Variants in ESR1 observed in about 807,000 individuals in gnomAD.
The protein encoded by ESR1 is estrogen receptor.
In ESR1, 12 loss-of-function variants were observed where a neutral mutation model predicts 52.7. The ratio of observed to expected loss-of-function variants is 0.23; its 90% CI spans 0.15 to 0.37. The LOEUF is 0.37. Ranked by LOEUF, ESR1 falls within the 10% of genes least tolerant of loss-of-function variation. The pLI is 1.00. For missense variants in ESR1, 584 were observed against 779.7 expected (o/e 0.75, Z 2.99); for synonymous variants, 305 against 316.8 (o/e 0.96, Z 0.39).
At chr6:151,904,455 TTTA>T (rs200015296) in intron 3 of ESR1, among the ~76,000 whole-genome samples, 1 of 152,302 alleles carries the variant, frequency 6.6e-6, no homozygotes, top group East Asian at 1.9e-4. Context: ...TACTTTTATG[TTTA>T]TTATTTTGTT....
At chr6:151,672,958 A>G (rs938458869) in intron 1 of ESR1, among the ~76,000 whole-genome samples, 1 of 150,702 alleles carries the variant, frequency 6.6e-6, no homozygotes, top group Admixed American at 6.6e-5. Context: ...CCTCCCGAGT[A>G]GCTGGGACTA....
chr6:151,724,817 C>T (rs1327115738), intron 2 of ESR1, among the ~76,000 whole-genome samples: 1 of 152,104 alleles, frequency 6.6e-6, no homozygotes, highest in Non-Finnish European at 1.5e-5. Context: ...CCTGCTTTTT[C>T]ATTTTCAGAT....
chr6:151,681,814 C>T (rs1778472555), intron 1 of ESR1, among the ~76,000 whole-genome samples: 1 of 152,104 alleles, frequency 6.6e-6, no homozygotes, highest in Non-Finnish European at 1.5e-5. Context: ...GCGGTGCTTT[C>T]TGCCAAAATG....
intron 2 of ESR1, among the ~76,000 whole-genome samples, chr6:151,704,033 T>G (rs1779991865): frequency 6.6e-6 from 1 of 152,198 alleles, no homozygotes; most frequent in Non-Finnish European, 1.5e-5. Flanking sequence ...AGAACATCAG[T>G]GGTTCTCCCA....
At chr6:152,105,504 C>T (rs536986142), downstream of ESR1, among the ~76,000 whole-genome samples, 3 of 151,004 alleles carry the variant, frequency 2.0e-5, no homozygotes, top group South Asian at 4.2e-4. Context: ...TGGCTCACTG[C>T]AACCTCTGCC....
rs896311665 is a variant in ESR1, at chr6:151,695,403, A to G, written c.-202+4739A>G. On this transcript the variant is annotated intron_variant, in intron 1 of 2. Transcript: ENST00000404742. ...CAGGCCCCAACAAGTTGACAATCCT[A>G]GAGAGCTTAGTGTGAGTAGACTTGC... is the stretch of plus-strand genomic sequence containing the variant. 5.3e-5 allele frequency among the ~76,000 whole-genome samples: 8 copies of G among 152,252 alleles called. No homozygotes were observed. In the East Asian group the frequency reaches 1.5e-3, roughly 29 times the overall value.
intron 6 of ESR1, among the ~76,000 whole-genome samples, chr6:152,093,479 C>T (rs374278006): frequency 2.6e-5 from 4 of 152,062 alleles, no homozygotes; most frequent in East Asian, 3.9e-4. Context: ...CTCATCCTCT[C>T]AGTTTAGCAA....
chr6:151,935,007 G>T (rs543884520), intron 3 of ESR1, among the ~76,000 whole-genome samples: 185 of 152,330 alleles, frequency 1.2e-3, no homozygotes, highest in African/African-American at 4.2e-3. Context: ...AGGCAGTTAT[G>T]CCATGGTAAT....
At chr6:152,042,239 A>G (rs528349959) in intron 5 of ESR1, among the ~76,000 whole-genome samples, 1 of 152,322 alleles carries the variant, frequency 6.6e-6, no homozygotes, top group Admixed American at 6.5e-5. Flanking sequence ...GCCAGCTGCT[A>G]AATATGTCTA....
chr6:152,098,034 G>A lies in ESR1; in HGVS notation c.1554-698G>A, dbSNP rs1469259703. Reference sequence around the variant, plus strand: ...AGGCCTTTCCGAGGAGGCGGCATTTGAAGACCGGAGGAAGGTTCATCCCAG... The same window carrying A: ...AGGCCTTTCCGAGGAGGCGGCATTTAAAGACCGGAGGAAGGTTCATCCCAG... On this transcript the variant is annotated intron_variant, in intron 7 of 7. Transcript: ENST00000206249. The surrounding 1 kb of genome is among the most constrained non-coding windows in gnomAD (Gnocchi z 5.1). Among the ~76,000 whole-genome samples, 1 of 152,206 alleles carries A rather than the reference G, an allele frequency of 6.6e-6. No homozygotes were observed. The highest frequency in any genetic ancestry group is 2.4e-5 in the African/African-American group (1 of 41,454).
At chr6:151,912,301 T>C (rs1798391259) in intron 3 of ESR1, among the ~76,000 whole-genome samples, 1 of 152,226 alleles carries the variant, frequency 6.6e-6, no homozygotes, top group Non-Finnish European at 1.5e-5. Flanking sequence ...CAGATTTTGG[T>C]CAATTGAAGT....
chr6:151,670,168 C>T (rs1279858719), intron 1 of ESR1, among the ~76,000 whole-genome samples: 3 of 152,212 alleles, frequency 2.0e-5, no homozygotes, highest in Non-Finnish European at 2.9e-5. Flanking sequence ...CCAAGATGGT[C>T]GTGGCCGGGC....
At chr6:152,060,634 A>C (rs550031377) in intron 5 of ESR1, among the ~76,000 whole-genome samples, 1 of 152,340 alleles carries the variant, frequency 6.6e-6, no homozygotes, top group East Asian at 1.9e-4. Context: ...TGTTTAGAAT[A>C]TAGTAGCAGA....
At chr6:151,923,277 T>C (rs2032054878) in intron 3 of ESR1, among the ~76,000 whole-genome samples, 1 of 152,162 alleles carries the variant, frequency 6.6e-6, no homozygotes, top group Non-Finnish European at 1.5e-5. Flanking sequence ...CCATCCCAGT[T>C]TCCCCTGACA....
Position 152,122,791 on chromosome 6 carries a change from G to C in ESR1, c.851-2475G>C, listed in dbSNP as rs2051767202. 7 of 1,529,980 alleles carry C rather than the reference G, an allele frequency of 4.6e-6. No homozygotes were observed. The African/African-American group carries it at 8.2e-5, about 18-fold the overall frequency. The allele number at this position is 1,529,980 out of a possible 1,614,324, so 94.8% of individuals were successfully genotyped here. A position where few individuals can be genotyped will look rare whatever the true frequency, so the allele number is the denominator to read the frequency against. On this transcript the variant is annotated intron_variant, in intron 6 of 6. Transcript: ENST00000427531. Reference sequence around the variant, plus strand: ...GGCCATGCCAAGCACACCCCAGCCTGGCGATCAGCTGCCAGCCTTCCACAG... The same window carrying C: ...GGCCATGCCAAGCACACCCCAGCCTCGCGATCAGCTGCCAGCCTTCCACAG...
At chr6:152,002,809 A>G (rs1213509156) in intron 4 of ESR1, among the ~76,000 whole-genome samples, 1 of 152,086 alleles carries the variant, frequency 6.6e-6, no homozygotes, top group Non-Finnish European at 1.5e-5. Flanking sequence ...CTGAACAAAA[A>G]TAAAAGACTA....
At chr6:151,665,508 C>T (rs1418217509) in intron 1 of ESR1, among the ~76,000 whole-genome samples, 1 of 152,204 alleles carries the variant, frequency 6.6e-6, no homozygotes, top group Non-Finnish European at 1.5e-5. Flanking sequence ...GCAAGTGAAG[C>T]TCTGTCAATC....
At position 151,960,203 on chromosome 6, in the gene ESR1, T is replaced by C. The variant is rs577185092; in HGVS notation, c.1096+15695T>C. 2.4e-3 allele frequency among the ~76,000 whole-genome samples: 370 copies of C among 152,356 alleles called. 1 individual carries two copies. Among genetic ancestry groups the C allele is most frequent in the Middle Eastern group, 6.8e-3 (2 of 294 alleles). ...TTCATTCGGCACTTTTCACTGGACA[T>C]GCTATGAGCCCAGCAGTGTTCTGGG... On this transcript the variant is annotated intron_variant, in intron 4 of 7. Coordinates refer to ENST00000206249, the MANE Select transcript of ESR1 (RefSeq NM_000125.4).
rs991829241 is a variant in ESR1 at position 151,696,466 on chromosome 6, C to T, written c.-201-5409C>T. On this transcript the variant is annotated intron_variant, in intron 1 of 2. Transcript: ENST00000404742. The stretch of plus-strand genomic sequence containing the variant: ...CAGCCTGGGAGACATAGAGAGACTC[C>T]ATCTCAAATAAATAAATAAATAAAT... 3.6e-5 allele frequency among the ~76,000 whole-genome samples: 5 copies of T among 140,604 alleles called. No individual in the cohort carries two copies. The East Asian group carries it at 1.0e-3, about 29-fold the overall frequency. The allele number at this position is 140,604 out of a possible 152,430, so 92.2% of individuals were successfully genotyped here.
Sources: allele counts gnomAD v4.1 joint callset (sites outside exome capture counted in the v4.1 genomes callset), GRCh38; gene constraint gnomAD v4.1.1; non-coding constraint Gnocchi (gnomAD v3.1); transcripts MANE v1.5; gene names NCBI Gene and HGNC (gene_info 2026-07-23, HGNC 2026-07-21).